The following TSPAN9 variants were observed in gnomAD, a reference collection of about 807,000 sequenced individuals.
TSPAN9 encodes tetraspanin-9.
A neutral mutation model predicts 31.0 loss-of-function variants in TSPAN9; 16 were observed. That is an observed-to-expected ratio of 0.52 (90% CI 0.35 to 0.78). The LOEUF is 0.78. Among genes scored for constraint, TSPAN9 ranks in the 30% least tolerant of loss-of-function variants. The pLI, the probability that TSPAN9 is intolerant of heterozygous loss-of-function variation, is 0.01. For synonymous variants in TSPAN9, 145 were observed against 121.6 expected (o/e 1.19, Z -1.27); for missense variants, 272 against 312.5 (o/e 0.87, Z 0.98).
chr12:3,185,561 G>A (rs1712245905), intron 2 of TSPAN9, among the ~76,000 whole-genome samples: 1 of 152,192 alleles, frequency 6.6e-6, no homozygotes, highest in African/African-American at 2.4e-5. Flanking sequence ...TCCCCCTTCG[G>A]AGCGCCTCAG....
chr12:3,109,299 T>TGTGTGTGA (rs1274383200), intron 2 of TSPAN9, among the ~76,000 whole-genome samples: 8 of 118,302 alleles, frequency 6.8e-5, no homozygotes, highest in African/African-American at 3.6e-4. Context: ...TGTGTGTGTG[T>TGTGTGTGA]GAGAGAGAGT....
intron 2 of TSPAN9, among the ~76,000 whole-genome samples, chr12:3,102,888 A>G (rs557628386): frequency 2.2e-4 from 33 of 152,344 alleles, no homozygotes; most frequent in African/African-American, 7.9e-4. Context: ...GGGACATCCC[A>G]GTGTCCAGGT....
chr12:3,135,168 G>A (rs1335107811), intron 2 of TSPAN9, among the ~76,000 whole-genome samples: 3 of 152,168 alleles, frequency 2.0e-5, no homozygotes, highest in South Asian at 4.1e-4. Flanking sequence ...CTGCAGCCTC[G>A]AACCTCCTGT....
chr12:3,162,857 G>A lies in TSPAN9; in HGVS notation c.-17-38320G>A, dbSNP rs186318432. On this transcript the variant is annotated intron_variant, in intron 2 of 8. Coordinates refer to ENST00000011898, the MANE Select transcript of TSPAN9 (RefSeq NM_006675.5). ...GGCTCAAGGTACCATCTCCCCTGCC[G>A]GGAGAGCTGAGGCAGCCCTGGAGGC... is the stretch of plus-strand genomic sequence containing the variant. 3.1e-3 allele frequency among the ~76,000 whole-genome samples: 477 copies of A among 152,212 alleles called. 1 individual carries two copies. The highest frequency in any genetic ancestry group is 7.6e-3 in the Admixed American group (116 of 15,290).
intron 2 of TSPAN9, among the ~76,000 whole-genome samples, chr12:3,189,022 C>T (rs969112625): frequency 6.6e-6 from 1 of 152,172 alleles, no homozygotes; most frequent in Non-Finnish European, 1.5e-5. Flanking sequence ...TGAGCTCTCC[C>T]CGCTTGGAGC....
intron 3 of TSPAN9, among the ~76,000 whole-genome samples, chr12:3,252,575 A>G (rs1246824737): frequency 1.3e-5 from 2 of 152,214 alleles, no homozygotes; most frequent in African/African-American, 2.4e-5. Flanking sequence ...GCCTGCCGCT[A>G]GCTGGGCCTG....
chr12:3,211,802 C>T, intron 3 of TSPAN9: 1 of 1,596,168 alleles, frequency 6.3e-7, no homozygotes. Flanking sequence ...TTTATAGCAT[C>T]CTGGGCATTT....
rs368721033 is a variant in TSPAN9, at chr12:3,271,205, G to T, written c.64-7216G>T. 5.9e-5 allele frequency among the ~76,000 whole-genome samples: 9 copies of T among 152,356 alleles called. No individual in the cohort carries two copies. In the East Asian group the frequency reaches 9.6e-4, roughly 16 times the overall value. Reference sequence around the variant, plus strand: ...GTGAAGGTATGAAGGTGAATTGGAGGCTTTGAGAGAAAGTGTGGGGTCCAA... The same window carrying T: ...GTGAAGGTATGAAGGTGAATTGGAGTCTTTGAGAGAAAGTGTGGGGTCCAA... On this transcript the variant is annotated intron_variant, in intron 3 of 8. Coordinates refer to ENST00000011898, the MANE Select transcript of TSPAN9 (RefSeq NM_006675.5).
At chr12:3,096,544 T>G (rs984203312) in intron 2 of TSPAN9, among the ~76,000 whole-genome samples, 2 of 152,086 alleles carry the variant, frequency 1.3e-5, no homozygotes, top group African/African-American at 4.8e-5. Context: ...AATGAATGAA[T>G]GAATGAATAT....
chr12:3,186,324 G>GTGTGC (rs1250655058), intron 2 of TSPAN9, among the ~76,000 whole-genome samples: 2 of 152,266 alleles, frequency 1.3e-5, no homozygotes, highest in East Asian at 3.8e-4. Context: ...GAGAGATGGA[G>GTGTGC]TGTGCTGGGG....
intron 3 of TSPAN9, among the ~76,000 whole-genome samples, chr12:3,218,020 T>C (rs542518676): frequency 2.0e-4 from 30 of 152,260 alleles, no homozygotes; most frequent in African/African-American, 7.0e-4. Flanking sequence ...GGCGGGTGTG[T>C]TGGGGCCAGC....
chr12:3,220,652 C>T lies in TSPAN9; in HGVS notation c.63+19396C>T, dbSNP rs145660309. ...TGGGACCCACTGGAGGACCCAAGCC[C>T]GGAGGCTTAGTCCTGCTGCCCTGGC... On this transcript the variant is annotated intron_variant, in intron 3 of 8. Transcript: ENST00000011898. 4.7e-3 allele frequency among the ~76,000 whole-genome samples: 709 copies of T among 152,318 alleles called. 7 individuals carry two copies. The highest frequency in any genetic ancestry group is 0.016 in the African/African-American group (671 of 41,574).
intron 2 of TSPAN9, among the ~76,000 whole-genome samples, chr12:3,162,128 T>C (rs7315149): frequency 7.7e-4 from 117 of 152,228 alleles, no homozygotes; most frequent in South Asian, 5.0e-3. Flanking sequence ...CTGTGAGAGC[T>C]GATTGTTTAA....
intron 3 of TSPAN9, among the ~76,000 whole-genome samples, chr12:3,220,829 G>A (rs991794573): frequency 2.0e-5 from 3 of 152,124 alleles, no homozygotes; most frequent in Non-Finnish European, 2.9e-5. Flanking sequence ...TCATTTCTGG[G>A]TTCTTCCGTT....
In TSPAN9 at chr12:3,143,016, C is replaced by T. The variant is rs1344660065; in HGVS notation, c.-17-58161C>T. On this transcript the variant is annotated intron_variant, in intron 2 of 8. Coordinates refer to ENST00000011898, the MANE Select transcript of TSPAN9 (RefSeq NM_006675.5). The surrounding 1 kb of genome is among the most constrained non-coding windows in gnomAD (Gnocchi z 4.2). Reference sequence around the variant, plus strand: ...AGTGCTGCTCGGTCACTCTGCAGGACGGTTTTTCACTCTGGCTCTGTCTGG... The same window carrying T: ...AGTGCTGCTCGGTCACTCTGCAGGATGGTTTTTCACTCTGGCTCTGTCTGG... Among the ~76,000 whole-genome samples, 2 of 152,018 alleles carry T rather than the reference C, an allele frequency of 1.3e-5. No individual in the cohort carries two copies. Among genetic ancestry groups the T allele is most frequent in the South Asian group, 2.1e-4 (1 of 4,822 alleles).
At chr12:3,201,860 G>C (rs755468313) in intron 3 of TSPAN9, among the ~76,000 whole-genome samples, 3 of 152,202 alleles carry the variant, frequency 2.0e-5, no homozygotes, top group Non-Finnish European at 4.4e-5. Context: ...TGGGGCCTGG[G>C]TGGGAAAGGA....
At chr12:3,239,256 C>T (rs1020233512) in intron 3 of TSPAN9, among the ~76,000 whole-genome samples, 13 of 151,532 alleles carry the variant, frequency 8.6e-5, no homozygotes, top group African/African-American at 1.2e-4. Context: ...TCTGTTGTCA[C>T]GTTCTTGCTG....
chr12:3,188,090 C>G (rs902330084), intron 2 of TSPAN9, among the ~76,000 whole-genome samples: 7 of 152,112 alleles, frequency 4.6e-5, no homozygotes, highest in African/African-American at 1.7e-4. Context: ...AGTGTGATGG[C>G]TGGCTGTGGT....
At chr12:3,180,127 C>T (rs1213754614) in intron 2 of TSPAN9, among the ~76,000 whole-genome samples, 2 of 152,144 alleles carry the variant, frequency 1.3e-5, no homozygotes, top group African/African-American at 2.4e-5. Flanking sequence ...TGTAATTCAG[C>T]GCACACACAG....
Sources: allele counts gnomAD v4.1 joint callset (sites outside exome capture counted in the v4.1 genomes callset), GRCh38; gene constraint gnomAD v4.1.1; non-coding constraint Gnocchi (gnomAD v3.1); transcripts MANE v1.5; gene names NCBI Gene and HGNC (gene_info 2026-07-23, HGNC 2026-07-21).